PCDHGB5: variants seen among roughly 807,000 people sequenced by gnomAD.
PCDHGB5 encodes the protein protocadherin gamma-B5.
In PCDHGB5, 48 loss-of-function variants were observed where a neutral mutation model predicts 62.9. The observed-to-expected ratio is 0.76, with a 90% CI of 0.61 to 0.97. PCDHGB5 has a LOEUF of 0.97. PCDHGB5 is among the 50% of genes least tolerant of loss of function. The pLI, the probability that PCDHGB5 is intolerant of heterozygous loss-of-function variation, is 0.00. For missense variants in PCDHGB5, 1,118 were observed against 1,198.6 expected, an observed-to-expected ratio of 0.93 and a Z score of 0.99; for synonymous variants, 474 against 511.2, an observed-to-expected ratio of 0.93 and a Z score of 0.98.
intron 1 of PCDHGB5, among the ~76,000 whole-genome samples, chr5:141,483,010 G>C (rs574078222): frequency 6.6e-6 from 1 of 152,006 alleles, no homozygotes; most frequent in Non-Finnish European, 1.5e-5. Flanking sequence ...GCTTGAACCC[G>C]GGAGGCAGAG....
At chr5:141,425,918 CG>C (rs2096903264) in intron 1 of PCDHGB5, among the ~76,000 whole-genome samples, 1 of 152,200 alleles carries the variant, frequency 6.6e-6, no homozygotes, top group Admixed American at 6.5e-5. Context: ...ACAGTCACTA[CG>C]AAAACTCATA....
chr5:141,447,823 C>T lies in PCDHGB5; in HGVS notation c.2398-46984C>T, dbSNP rs192381755. ...AAAATTGGCTGGGCGTGGTGGCTCA[C>T]GCCTGTAATCCCAGTGCTTTGGGAG... On this transcript the variant is annotated intron_variant, in intron 1 of 3. Coordinates refer to ENST00000617380, the MANE Select transcript of PCDHGB5 (RefSeq NM_018925.3). Among the ~76,000 whole-genome samples, 677 of 152,272 alleles carry T rather than the reference C, an allele frequency of 4.4e-3. 5 individuals are homozygous for T. Among genetic ancestry groups the T allele is most frequent in the African/African-American group, 0.015 (635 of 41,548 alleles).
chr5:141,414,434 C>A (rs774467993), intron 1 of PCDHGB5: 2 of 1,613,822 alleles, frequency 1.2e-6, no homozygotes, highest in Non-Finnish European at 8.5e-7. Flanking sequence ...GAACAGGTAT[C>A]CTCTTACAAT....
At chr5:141,433,332 T>C (rs1344429296) in intron 1 of PCDHGB5, 7 of 694,580 alleles carry the variant, frequency 1.0e-5, no homozygotes, top group Non-Finnish European at 1.7e-5. Context: ...TAACAGGGAC[T>C]ACAGGTGCAA....
At position 141,431,387 on chromosome 5, in the gene PCDHGB5, C is replaced by T; in HGVS notation, c.2397+30863C>T. The T allele has an allele frequency of 1.9e-6, 3 of 1,613,938 alleles. 1 individual carries two copies. The South Asian group carries it at 3.3e-5, about 18-fold the overall frequency. Reference sequence around the variant, plus strand: ...CCGCGAAGAAAAGGCTGCTCACCACCTGGTCCTTACGGCCTCCGACGGGGG... The same window carrying T: ...CCGCGAAGAAAAGGCTGCTCACCACTTGGTCCTTACGGCCTCCGACGGGGG... On this transcript the variant is annotated intron_variant, in intron 1 of 3. Coordinates refer to ENST00000617380, the MANE Select transcript of PCDHGB5 (RefSeq NM_018925.3). This position sits in a 1 kb window ranked among gnomAD's most constrained non-coding sequence, Gnocchi z 4.8.
chr5:141,506,434 C>A lies in PCDHGB5; in HGVS notation c.2545+953C>A, dbSNP rs139627189. Among the ~76,000 whole-genome samples the A allele has an allele frequency of 8.5e-4, 112 of 131,752 alleles. 2 individuals are homozygous for A. The highest frequency in any genetic ancestry group is 3.3e-3 in the African/African-American group (107 of 32,408). 86.4% of individuals were successfully genotyped at this position (131,752 alleles called of 152,430 possible). ...TGCACTCCAGCCTGGGCAACAGTCT[C>A]GCTCTGTCTCAAAAAAAAAAAAAAA... On this transcript the variant is annotated intron_variant, in intron 3 of 3. Transcript: ENST00000617380.
chr5:141,498,865 G>A (rs2099786522), intron 2 of PCDHGB5, among the ~76,000 whole-genome samples: 1 of 151,116 alleles, frequency 6.6e-6, no homozygotes, highest in Non-Finnish European at 1.5e-5. Flanking sequence ...CCCAGGAGGC[G>A]GAGGTTGCAG....
chr5:141,432,090 A>T lies in PCDHGB5; in HGVS notation c.2397+31566A>T. 1 of 1,614,164 alleles carries T rather than the reference A, an allele frequency of 6.2e-7. No homozygotes were observed. Among genetic ancestry groups the T allele is most frequent in the Non-Finnish European group, 8.5e-7 (1 of 1,180,034 alleles). On this transcript the variant is annotated intron_variant, in intron 1 of 3. Transcript: ENST00000617380. The surrounding 1 kb of genome is among the most constrained non-coding windows in gnomAD (Gnocchi z 6.0). ...ACTCATATCTCGCTGAACGTGGCAG[A>T]CACCAACGACAACCCGCCGGTCTTC... is the stretch of plus-strand genomic sequence containing the variant.
intron 1 of PCDHGB5, chr5:141,441,249 TA>T (rs981387539): frequency 6.6e-6 from 1 of 152,206 alleles, no homozygotes; most frequent in Non-Finnish European, 1.5e-5. Context: ...ACAAGATCTT[TA>T]AATCACAAGA....
At chr5:141,415,116 A>T in intron 1 of PCDHGB5, 1 of 1,613,652 alleles carries the variant, frequency 6.2e-7, no homozygotes, top group Non-Finnish European at 8.5e-7. Flanking sequence ...AAAGCCTCGT[A>T]GTGGCCGTCC....
intron 1 of PCDHGB5, among the ~76,000 whole-genome samples, chr5:141,484,569 AGACT>A (rs1376518478): frequency 1.3e-5 from 2 of 152,106 alleles, no homozygotes; most frequent in African/African-American, 2.4e-5. Context: ...CAATACAATC[AGACT>A]GAGACGGAAG....
intron 1 of PCDHGB5, chr5:141,410,459 A>C (rs2095396770): frequency 6.2e-7 from 1 of 1,613,864 alleles, no homozygotes; most frequent in Admixed American, 1.7e-5. Context: ...TTATTCTTAT[A>C]ATCTGTGCAT....
intron 1 of PCDHGB5, among the ~76,000 whole-genome samples, chr5:141,475,442 T>A (rs1007534176): frequency 1.3e-5 from 2 of 152,238 alleles, no homozygotes; most frequent in African/African-American, 4.8e-5. Context: ...TAGCTCCAGA[T>A]AATGAGGAAG....
At chr5:141,418,646 A>C (rs986717136) in intron 1 of PCDHGB5, 2 of 1,614,010 alleles carry the variant, frequency 1.2e-6, no homozygotes, top group Admixed American at 3.3e-5. Context: ...CTCCATCCTG[A>C]GAGTGAAGGC....
chr5:141,432,745 G>A lies in PCDHGB5; in HGVS notation c.2397+32221G>A, dbSNP rs138883931. ...TCTCCGCCACTGTCACGCTCACCGT[G>A]GCCGTGGCCGACAGCATCCCCCAAG... On this transcript the variant is annotated intron_variant, in intron 1 of 3. Coordinates refer to ENST00000617380, the MANE Select transcript of PCDHGB5 (RefSeq NM_018925.3). This position sits in a 1 kb window ranked among gnomAD's most constrained non-coding sequence, Gnocchi z 6.0. 311 of 1,614,110 alleles carry A rather than the reference G, an allele frequency of 1.9e-4. No individual in the cohort carries two copies. The African/African-American group carries it at 3.5e-3, about 18-fold the overall frequency.
In PCDHGB5 at chr5:141,489,645, C is replaced by T; in HGVS notation, c.2398-5162C>T. 1.2e-6 allele frequency: 2 copies of T among 1,614,156 alleles called. No homozygotes were observed. The highest frequency in any genetic ancestry group is 2.7e-5 in the African/African-American group (2 of 75,022). On this transcript the variant is annotated intron_variant, in intron 1 of 3. Transcript: ENST00000617380. This position sits in a 1 kb window ranked among gnomAD's most constrained non-coding sequence, Gnocchi z 4.5. ...ATGACAACTCTCCTAGCTTTGCCAC[C>T]CCTGAGCGAGAGATGCGCATCTCAG...
chr5:141,423,177 C>G (rs748689237), intron 1 of PCDHGB5: 7 of 1,613,430 alleles, frequency 4.3e-6, no homozygotes, highest in Non-Finnish European at 5.1e-6. Context: ...TCCAGGACCA[C>G]GGCCAGCCCC....
intron 1 of PCDHGB5, among the ~76,000 whole-genome samples, chr5:141,454,032 C>T (rs2098780173): frequency 6.6e-6 from 1 of 152,126 alleles, no homozygotes; most frequent in Non-Finnish European, 1.5e-5. Flanking sequence ...AAGAATTGGC[C>T]AGCAAAGATA....
chr5:141,427,287 A>G (rs1030754713), intron 1 of PCDHGB5: 2 of 456,716 alleles, frequency 4.4e-6, no homozygotes, highest in African/African-American at 4.0e-5. Flanking sequence ...TATACTAGAA[A>G]TCCTAGATGA....
Sources: allele counts gnomAD v4.1 joint callset (sites outside exome capture counted in the v4.1 genomes callset), GRCh38; gene constraint gnomAD v4.1.1; non-coding constraint Gnocchi (gnomAD v3.1); transcripts MANE v1.5; gene names NCBI Gene and HGNC (gene_info 2026-07-23, HGNC 2026-07-21).